EYS: variants seen among roughly 807,000 people sequenced by gnomAD.
EYS encodes protein eyes shut homolog.
A neutral mutation model predicts 282.1 loss-of-function variants in EYS; 250 were observed. That is an observed-to-expected ratio of 0.89 (90% confidence interval 0.80 to 0.98). EYS has a LOEUF of 0.98. EYS is among the 50% of genes least tolerant of loss of function. The probability of loss-of-function intolerance (pLI) is 0.00; values close to 1 mark genes in which losing one functional copy is unlikely to be tolerated. For missense variants in EYS, 4,016 were observed against 3,709.0 expected (o/e 1.08, Z -2.15); for synonymous variants, 1,355 against 1,282.9 (o/e 1.06, Z -1.20).
intron 2 of EYS, among the ~76,000 whole-genome samples, chr6:65,524,190 T>C (rs180795046): frequency 6.6e-6 from 1 of 152,076 alleles, no homozygotes; most frequent in East Asian, 1.9e-4. Flanking sequence ...AATTTTCCTA[T>C]AGCAGTCAGA....
rs1196435197 is a variant in EYS, at chr6:63,825,639, G to A, written c.7229-19267C>T. Among the ~76,000 whole-genome samples, 3 of 152,176 alleles carry A rather than the reference G, an allele frequency of 2.0e-5. No homozygotes were observed. The East Asian group carries it at 5.8e-4, about 29-fold the overall frequency. ...TCGCTGGATGGTTAGACCCAGAAGA[G>A]AGACAATAATCACCGCAGTTCAGCT... is the stretch of plus-strand genomic sequence containing the variant. On this transcript the variant is annotated intron_variant, in intron 36 of 42. Transcript: ENST00000503581.
chr6:65,394,055 T>C (rs1283761855), intron 7 of EYS, among the ~76,000 whole-genome samples: 1 of 152,140 alleles, frequency 6.6e-6, no homozygotes, highest in Non-Finnish European at 1.5e-5. Context: ...GGTTAAATAG[T>C]TGATTTTCAG....
At chr6:65,322,423 TCTCAGTCAGAC>T (rs1769499610) in intron 11 of EYS, among the ~76,000 whole-genome samples, 2 of 152,114 alleles carry the variant, frequency 1.3e-5, no homozygotes, top group African/African-American at 4.8e-5. Context: ...TTGCACCTGA[TCTCAGTCAGAC>T]CTCAGAGGCT....
intron 30 of EYS, among the ~76,000 whole-genome samples, chr6:64,237,831 T>C (rs886307199): frequency 6.6e-6 from 1 of 152,178 alleles, no homozygotes; most frequent in Non-Finnish European, 1.5e-5. Context: ...TTAAAAAACA[T>C]ATATAATTGT....
chr6:64,718,269 C>A (rs1327608268), intron 22 of EYS, among the ~76,000 whole-genome samples: 1 of 152,060 alleles, frequency 6.6e-6, no homozygotes, highest in South Asian at 2.1e-4. Flanking sequence ...ATCTACCAGC[C>A]GCCTTAGCTG....
At chr6:65,438,258 G>A in intron 5 of EYS, among the ~76,000 whole-genome samples, 1 of 151,926 alleles carries the variant, frequency 6.6e-6, no homozygotes, top group Non-Finnish European at 1.5e-5. Context: ...GTCTATCATT[G>A]ATGGACATTT....
chr6:64,999,780 G>A (rs992914291), intron 13 of EYS, among the ~76,000 whole-genome samples: 22 of 152,150 alleles, frequency 1.4e-4, no homozygotes, highest in African/African-American at 5.3e-4. Context: ...GCGCCGGCAC[G>A]CTGGAGCTCC....
chr6:64,391,496 C>G (rs1036348267), intron 28 of EYS, among the ~76,000 whole-genome samples: 6 of 151,746 alleles, frequency 4.0e-5, no homozygotes, highest in Non-Finnish European at 8.8e-5. Context: ...AAAGAATTTT[C>G]AACCCAGAAT....
chr6:65,125,810 C>T (rs1775702084), intron 12 of EYS, among the ~76,000 whole-genome samples: 1 of 152,104 alleles, frequency 6.6e-6, no homozygotes, highest in African/African-American at 2.4e-5. Flanking sequence ...TCTCCCTTCC[C>T]TTGCTTTTAG....
intron 30 of EYS, among the ~76,000 whole-genome samples, chr6:64,263,741 G>T (rs1767663684): frequency 6.6e-6 from 1 of 152,064 alleles, no homozygotes; most frequent in South Asian, 2.1e-4. Flanking sequence ...GTATAGGTTT[G>T]TAAAACAGAC....
At chr6:64,208,527 T>G (rs1765674358) in intron 31 of EYS, among the ~76,000 whole-genome samples, 1 of 152,120 alleles carries the variant, frequency 6.6e-6, no homozygotes, top group South Asian at 2.1e-4. Context: ...AACGGTATAT[T>G]ACAGTAAATT....
chr6:64,273,512 C>T (rs1582518409), intron 30 of EYS, among the ~76,000 whole-genome samples: 1 of 152,002 alleles, frequency 6.6e-6, no homozygotes, highest in East Asian at 1.9e-4. Flanking sequence ...TGTATAGGCT[C>T]ATGTATTTTT....
At chr6:65,421,866 G>T (rs530415136) in intron 5 of EYS, among the ~76,000 whole-genome samples, 1 of 151,824 alleles carries the variant, frequency 6.6e-6, no homozygotes, top group African/African-American at 2.4e-5. Context: ...TAAGTTTTCC[G>T]TATTATATCG....
intron 13 of EYS, among the ~76,000 whole-genome samples, chr6:65,031,028 AC>A (rs1267755182): frequency 1.3e-5 from 2 of 151,934 alleles, no homozygotes; most frequent in African/African-American, 4.8e-5. Context: ...CAGATTTTAA[AC>A]CAGCAAAGAT....
intron 19 of EYS, among the ~76,000 whole-genome samples, chr6:64,878,263 A>G (rs993133769): frequency 3.0e-4 from 45 of 152,216 alleles, no homozygotes; most frequent in African/African-American, 1.1e-3. Flanking sequence ...GAGAGAATCC[A>G]TACAGCAGTA....
chr6:63,823,759 C>T (rs1473843212), intron 36 of EYS, among the ~76,000 whole-genome samples: 1 of 151,874 alleles, frequency 6.6e-6, no homozygotes, highest in African/African-American at 2.4e-5. Context: ...ATGGGTACTT[C>T]TTATATTTTT....
At chr6:64,572,211 G>A (rs923995811) in intron 26 of EYS, among the ~76,000 whole-genome samples, 14 of 152,166 alleles carry the variant, frequency 9.2e-5, no homozygotes, top group African/African-American at 2.7e-4. Context: ...AAAGACCTAC[G>A]ATAAAATTCA....
intron 40 of EYS, among the ~76,000 whole-genome samples, chr6:63,771,625 G>A (rs192809678): frequency 8.9e-4 from 136 of 152,242 alleles, no homozygotes; most frequent in Middle Eastern, 3.4e-3. Context: ...AATTTATGTA[G>A]ATGTCAAGGG....
intron 33 of EYS, among the ~76,000 whole-genome samples, chr6:64,004,317 T>C (rs1474190348): frequency 6.6e-6 from 1 of 152,128 alleles, no homozygotes; most frequent in Non-Finnish European, 1.5e-5. Flanking sequence ...TTCTGCCTGT[T>C]ATGCTTTTAT....
Sources: allele counts gnomAD v4.1 joint callset (sites outside exome capture counted in the v4.1 genomes callset), GRCh38; gene constraint gnomAD v4.1.1; transcripts MANE v1.5; gene names NCBI Gene and HGNC (gene_info 2026-07-23, HGNC 2026-07-21).